The following HEXD variants were observed in gnomAD, a reference collection of about 807,000 sequenced individuals.
HEXD encodes N-acetyl-beta-galactosaminidase.
A neutral mutation model predicts 54.2 loss-of-function variants in HEXD; 47 were observed. That is an observed-to-expected ratio of 0.87 (90% CI 0.69 to 1.11). HEXD has a LOEUF of 1.11. Among genes scored for constraint, HEXD ranks in the 50% least tolerant of loss-of-function variants. HEXD has a pLI of 0.00. For synonymous variants in HEXD, 293 were observed against 287.6 expected (o/e 1.02, Z -0.19); for missense variants, 576 against 649.2 (o/e 0.89, Z 1.23).
rs569337674 is a variant in HEXD at position 82,433,985 on chromosome 17, C to T, written c.447+163C>T. ...CTCCGAGTGGATGGGCGGCCTGGCA[C>T]GGGACAGCCTGCGGAGCCCGAGGGA... is the stretch of plus-strand genomic sequence containing the variant. On this transcript the variant is annotated intron_variant, in intron 5 of 12. Transcript: ENST00000327949. 7.2e-5 allele frequency among the ~76,000 whole-genome samples: 11 copies of T among 152,254 alleles called. No individual in the cohort carries two copies. In the East Asian group the frequency reaches 1.9e-3, roughly 27 times the overall value.
In HEXD at chr17:82,424,414, G is replaced by C; in HGVS notation, c.105G>C (p.Ala35=). ...YLSEIFPLFR[A]LGANGLLIEY... Reference sequence around the variant, plus strand: ...CCCAGATTTTTCCTCTGTTCCGTGCGCTAGGTGCAAACGGCCTCCTCATTG... The same window carrying C: ...CCCAGATTTTTCCTCTGTTCCGTGCCCTAGGTGCAAACGGCCTCCTCATTG... The change falls in exon 3 of 13, where the codon GCG becomes GCC. Residue 35 remains alanine, a synonymous_variant. Coordinates refer to ENST00000327949, the MANE Select transcript of HEXD (RefSeq NM_001330542.2). 6.2e-7 allele frequency: 1 copy of C among 1,613,960 alleles called. No homozygotes were observed. Among genetic ancestry groups the C allele is most frequent in the Non-Finnish European group, 8.5e-7 (1 of 1,179,878 alleles).
At chr17:82,425,176 C>A (rs1316103677) in intron 3 of HEXD, among the ~76,000 whole-genome samples, 1 of 140,166 alleles carries the variant, frequency 7.1e-6, no homozygotes. Context: ...CTGGAGGAGG[C>A]TGGAGGAGGC....
At chr17:82,428,692 G>A in intron 4 of HEXD, 47 bp downstream of exon 4, 1 of 1,542,940 alleles carries the variant, frequency 6.5e-7, no homozygotes. Context: ...GTGGGGTCCA[G>A]GGGCTGCAGG....
rs746835574 is a variant in HEXD at position 82,437,187 on chromosome 17, C to A, written c.723C>A (p.Tyr241Ter). 1.4e-5 allele frequency: 23 copies of A among 1,593,886 alleles called. No individual in the cohort carries two copies. The Admixed American group carries it at 3.9e-4, about 27-fold the overall frequency. Residue 241 changes from tyrosine (Y) to a stop codon, truncating the protein, a stop_gained, in exon 8 of 13, where the codon TAC becomes TAA. Transcript: ENST00000327949. LOFTEE classifies it high-confidence loss of function. ...ACCCAGTCCTCCTCATGCAGAAGTACCGGCGGTGCGGCTTTCCGCAGCTGT... is the reference window on the plus strand; with the variant it reads ...ACCCAGTCCTCCTCATGCAGAAGTAACGGCGGTGCGGCTTTCCGCAGCTGT... ...VHGKVLLMQK[Y>*]RRCGFPQLWA...
rs1286392439 is a variant in HEXD, at chr17:82,434,030, C to T, written c.447+208C>T. Among the ~76,000 whole-genome samples, 1 of 151,006 alleles carries T rather than the reference C, an allele frequency of 6.6e-6. No individual in the cohort carries two copies. The highest frequency in any genetic ancestry group is 6.6e-5 in the Admixed American group (1 of 15,206). On this transcript the variant is annotated intron_variant, in intron 5 of 12. Transcript: ENST00000327949. This position sits in a 1 kb window ranked among gnomAD's most constrained non-coding sequence, Gnocchi z 4.5. ...GAGGGAGGCACCCTCGTGTCAGACG[C>T]GTCCAACATCTTCTCCGGGTGGATG...
rs538421369 is a variant in HEXD at position 82,429,831 on chromosome 17, C to T, written c.282+1186C>T. On this transcript the variant is annotated intron_variant, in intron 4 of 12. Coordinates refer to ENST00000327949, the MANE Select transcript of HEXD (RefSeq NM_001330542.2). ...CTCTCTAGATGGTGCCATTTCTGCT[C>T]CTGCTTTCTCTTTGTCCTCCTCTTC... Among the ~76,000 whole-genome samples, 14 of 152,284 alleles carry T rather than the reference C, an allele frequency of 9.2e-5. No individual in the cohort carries two copies. The South Asian group carries it at 2.5e-3, about 27-fold the overall frequency.
intron 4 of HEXD, among the ~76,000 whole-genome samples, chr17:82,432,846 A>G (rs9910136): frequency 0.02 from 2,896 of 143,382 alleles, 87 homozygotes; most frequent in African/African-American, 0.07. Context: ...GGCAGATCAC[A>G]AGGTCAGGAG....
intron 8 of HEXD, among the ~76,000 whole-genome samples, chr17:82,437,962 T>C (rs2053820230): frequency 6.6e-6 from 1 of 152,134 alleles, no homozygotes; most frequent in African/African-American, 2.4e-5. Flanking sequence ...AGGGGCTGAG[T>C]GCGGTGGCTC....
At chr17:82,435,981 C>G (rs2053750281) in intron 6 of HEXD, 109 bp downstream of exon 6, 1 of 1,025,202 alleles carries the variant, frequency 9.8e-7, no homozygotes, top group African/African-American at 1.6e-5. Flanking sequence ...AGCCCCAGCC[C>G]CGCACAGACC....
intron 8 of HEXD, 182 bp from the exon 9 acceptor site, chr17:82,439,449 G>A (rs372848448): frequency 8.1e-6 from 8 of 985,308 alleles, no homozygotes; most frequent in Non-Finnish European, 9.6e-6. Context: ...TGACATGAGA[G>A]CCCTGCCGCA....
In HEXD at chr17:82,429,081, G is replaced by A. The variant is rs559802436; in HGVS notation, c.282+436G>A. On this transcript the variant is annotated intron_variant, in intron 4 of 12. Transcript: ENST00000327949. ...TCGAGACCAGCCTGACCAACATGGC[G>A]AAACCCCGTCTCTACTAAAAATACA... Among the ~76,000 whole-genome samples, 36 of 152,076 alleles carry A rather than the reference G, an allele frequency of 2.4e-4. No homozygotes were observed. The South Asian group carries it at 7.3e-3, about 31-fold the overall frequency.
At chr17:82,432,851 CAGG>C in intron 4 of HEXD, among the ~76,000 whole-genome samples, 2 of 143,826 alleles carry the variant, frequency 1.4e-5, no homozygotes, top group African/African-American at 2.6e-5. Context: ...ATCACAAGGT[CAGG>C]AGATCGAGAC....
chr17:82,430,796 T>C (rs561876536), intron 4 of HEXD, among the ~76,000 whole-genome samples: 18 of 152,236 alleles, frequency 1.2e-4, no homozygotes, highest in African/African-American at 4.3e-4. Context: ...GCAAGTCCTC[T>C]GATGGTATGT....
intron 4 of HEXD, among the ~76,000 whole-genome samples, chr17:82,433,091 A>AAAATATGT (rs1555617647): frequency 7.6e-5 from 1 of 13,234 alleles, no homozygotes; most frequent in Non-Finnish European, 1.0e-4. Context: ...AAAAAAAAAA[A>AAAATATGT]ATATATATAT....
chr17:82,441,365 G>GGGGCAGGTGCAGGTGAGC, intron 11 of HEXD, 99 bp downstream of exon 11: 1 of 1,362,238 alleles, frequency 7.3e-7, no homozygotes, highest in East Asian at 2.5e-5. Flanking sequence ...GTGCGGGTGA[G>GGGGCAGGTGCAGGTGAGC]GGGCAGGTGC....
chr17:82,439,512 C>A, intron 8 of HEXD, 119 bp from the exon 9 acceptor site: 1 of 1,473,242 alleles, frequency 6.8e-7, no homozygotes, highest in Middle Eastern at 2.5e-4. Flanking sequence ...GTCGGGCTGC[C>A]CCCAGCGCTG....
At chr17:82,420,095 AG>A in intron 2 of HEXD, 2 of 375,412 alleles carry the variant, frequency 5.3e-6, no homozygotes, top group Non-Finnish European at 9.5e-6. Flanking sequence ...AAAAAAAAAA[AG>A]ACAGAGAACA....
rs749875748 is a variant in HEXD at position 82,421,527 on chromosome 17, C to G, written c.84+1644C>G. Among the ~76,000 whole-genome samples, 4 of 152,272 alleles carry G rather than the reference C, an allele frequency of 2.6e-5. No homozygotes were observed. The East Asian group carries it at 7.7e-4, about 29-fold the overall frequency. ...ACCATTGCAAACACAAGAGCCTGTT[C>G]TTAAAAATGAGCAACAGGCTGGCCA... is the stretch of plus-strand genomic sequence containing the variant. On this transcript the variant is annotated intron_variant, in intron 2 of 12. Transcript: ENST00000327949.
chr17:82,427,466 A>G (rs999731308), intron 3 of HEXD, among the ~76,000 whole-genome samples: 10 of 152,160 alleles, frequency 6.6e-5, no homozygotes, highest in Non-Finnish European at 1.3e-4. Context: ...TGCAGCCCAC[A>G]TGTGGTTAGA....
Sources: allele counts gnomAD v4.1 joint callset (sites outside exome capture counted in the v4.1 genomes callset), GRCh38; gene constraint gnomAD v4.1.1; non-coding constraint Gnocchi (gnomAD v3.1); transcripts MANE v1.5; gene names NCBI Gene and HGNC (gene_info 2026-07-23, HGNC 2026-07-21).